Variants in KPNA7 observed in about 807,000 individuals in gnomAD.
KPNA7 encodes importin subunit alpha-8.
KPNA7 carries 54 observed loss-of-function variants against 53.7 expected under a neutral mutation model. The ratio of observed to expected loss-of-function variants is 1.01; its 90% CI spans 0.81 to 1.26. The LOEUF (loss-of-function observed/expected upper bound fraction) is 1.26. Ranked by LOEUF, KPNA7 falls within the 50% of genes most tolerant of loss-of-function variation. The pLI is 0.00. For missense variants in KPNA7, 640 were observed against 644.5 expected (o/e 0.99, Z 0.07); for synonymous variants, 276 against 259.3 (o/e 1.06, Z -0.62).
At position 99,203,127 on chromosome 7, in the gene KPNA7, T is replaced by C. The variant is rs375418501; in HGVS notation, c.180A>G (p.Glu60=). 1 of 1,551,676 alleles carries C rather than the reference T, an allele frequency of 6.4e-7. No individual in the cohort carries two copies. Among genetic ancestry groups the C allele is most frequent in the South Asian group, 1.2e-5 (1 of 84,042 alleles). Residue 60 remains glutamate (E), a synonymous_variant, in exon 3 of 11, where the codon GAA becomes GAG. Coordinates refer to ENST00000327442, the MANE Select transcript of KPNA7 (RefSeq NM_001145715.3). ...TGACCGCCACCCCTTTGGCTGTTTT[T>C]TCAGAAGGTGTGTCAGGGCAGAAGC... ...ITSFCPDTPS[E]KTAKGVAVSL... is the part of the protein sequence containing the mutation.
the KPNA7 span, among the ~76,000 whole-genome samples, chr7:99,152,816 TTC>T: frequency 6.6e-6 from 1 of 152,174 alleles, no homozygotes; most frequent in Non-Finnish European, 1.5e-5. Flanking sequence ...CTGTGATGTC[TTC>T]TCTGAGTGCA....
intron 9 of KPNA7, among the ~76,000 whole-genome samples, chr7:99,180,562 TCTGTCC>T (rs1440313166): frequency 6.7e-6 from 1 of 149,682 alleles, no homozygotes; most frequent in Non-Finnish European, 1.5e-5. Flanking sequence ...TGTCTCTGTC[TCTGTCC>T]ATCTGTCTCT....
At chr7:99,147,747 C>T in the KPNA7 span, among the ~76,000 whole-genome samples, 1 of 151,996 alleles carries the variant, frequency 6.6e-6, no homozygotes, top group Non-Finnish European at 1.5e-5. Flanking sequence ...GCTGAGATTG[C>T]ACTGCTGCCC....
At chr7:99,167,817 A>G in the KPNA7 span, among the ~76,000 whole-genome samples, 141,186 of 151,644 alleles carry the variant, frequency 0.93, 65,870 homozygotes, top group East Asian at 1. Flanking sequence ...ATCTGTCACT[A>G]TCTCCCATCA....
In KPNA7 at chr7:99,182,080, T is replaced by G. The variant is rs1429261369; in HGVS notation, c.1135-15A>C. On this transcript the variant is annotated splice_polypyrimidine_tract_variant and intron_variant, in intron 8 of 10. Coordinates refer to ENST00000327442, the MANE Select transcript of KPNA7 (RefSeq NM_001145715.3). ...TTAAATTCTCCCTGCAGAACAAGAA[T>G]GTTTCCATTCTCTACAGATCCTCAA... The G allele has an allele frequency of 2.0e-6, 3 of 1,518,210 alleles. No homozygotes were observed. Among genetic ancestry groups the G allele is most frequent in the Non-Finnish European group, 2.7e-6 (3 of 1,125,520 alleles). 94.0% of individuals were successfully genotyped at this position (1,518,210 alleles called of 1,614,324 possible). A position where few individuals can be genotyped will look rare whatever the true frequency, so the allele number is the denominator to read the frequency against.
At chr7:99,169,765 G>T (rs1282469859), downstream of KPNA7, among the ~76,000 whole-genome samples, 1 of 151,902 alleles carries the variant, frequency 6.6e-6, no homozygotes, top group Non-Finnish European at 1.5e-5. Context: ...TCTGGGCCAG[G>T]CGCAGTGGCT....
the KPNA7 span, among the ~76,000 whole-genome samples, chr7:99,153,921 T>G: frequency 1.4e-3 from 212 of 152,070 alleles, no homozygotes; most frequent in Non-Finnish European, 2.7e-3. Context: ...TGTGATCATA[T>G]CACACTACTG....
intron 3 of KPNA7, among the ~76,000 whole-genome samples, chr7:99,202,319 T>C (rs994865100): frequency 4.6e-5 from 7 of 152,112 alleles, no homozygotes; most frequent in Admixed American, 4.6e-4. Flanking sequence ...GAAAACTTCC[T>C]GGTCAAGGCA....
At chr7:99,190,050 A>C (rs1298020916) in intron 6 of KPNA7, among the ~76,000 whole-genome samples, 1 of 151,856 alleles carries the variant, frequency 6.6e-6, no homozygotes, top group African/African-American at 2.4e-5. Context: ...TTTTTGAAGG[A>C]GCTCTCGGCT....
At chr7:99,198,845 T>A (rs1790364572) in intron 3 of KPNA7, among the ~76,000 whole-genome samples, 1 of 152,030 alleles carries the variant, frequency 6.6e-6, no homozygotes, top group Non-Finnish European at 1.5e-5. Flanking sequence ...GCAAGTGACT[T>A]AATCTTATAT....
At chr7:99,146,379 C>T in the KPNA7 span, among the ~76,000 whole-genome samples, 2 of 152,140 alleles carry the variant, frequency 1.3e-5, no homozygotes, top group African/African-American at 4.8e-5. Flanking sequence ...AATGGGGTTA[C>T]ATTCTGATAA....
At chr7:99,209,108 C>T (rs969079701), upstream of KPNA7, among the ~76,000 whole-genome samples, 48 of 152,086 alleles carry the variant, frequency 3.2e-4, no homozygotes, top group Non-Finnish European at 5.3e-4. Flanking sequence ...GCTGAGATTG[C>T]GCCACTGTAC....
chr7:99,149,018 T>C, the KPNA7 span, among the ~76,000 whole-genome samples: 95 of 151,296 alleles, frequency 6.3e-4, no homozygotes, highest in African/African-American at 2.2e-3. Flanking sequence ...GCCTCAGCCT[T>C]CCGAGTAGCT....
intron 2 of KPNA7, among the ~76,000 whole-genome samples, chr7:99,207,033 C>T (rs12673754): frequency 0.92 from 139,964 of 151,546 alleles, 64,511 homozygotes; most frequent in East Asian, 0.96. Flanking sequence ...ACCTCCCTGC[C>T]CCCCGCTATT....
chr7:99,153,960 T>TA, the KPNA7 span, among the ~76,000 whole-genome samples: 5 of 151,352 alleles, frequency 3.3e-5, no homozygotes, highest in African/African-American at 9.7e-5. Flanking sequence ...AGAGAGTCTC[T>TA]AAAAAAAAGA....
chr7:99,149,550 G>A, the KPNA7 span, among the ~76,000 whole-genome samples: 1 of 152,190 alleles, frequency 6.6e-6, no homozygotes. Flanking sequence ...GTATGTGTGT[G>A]ATTGCCTTGG....
the KPNA7 span, among the ~76,000 whole-genome samples, chr7:99,150,354 C>T: frequency 6.6e-6 from 1 of 151,916 alleles, no homozygotes; most frequent in Non-Finnish European, 1.5e-5. Context: ...CCTGGGCCGC[C>T]CCCTAAAGTG....
At chr7:99,171,042 C>T (rs540159942), downstream of KPNA7, among the ~76,000 whole-genome samples, 27 of 151,934 alleles carry the variant, frequency 1.8e-4, no homozygotes, top group Middle Eastern at 3.4e-3. Flanking sequence ...GGTGAAACCC[C>T]GTCTCTACTA....
chr7:99,184,852 T>A (rs892905683), intron 8 of KPNA7, 77 bp downstream of exon 8: 3 of 1,212,246 alleles, frequency 2.5e-6, no homozygotes, highest in East Asian at 5.1e-5. Flanking sequence ...TGCACCTGTG[T>A]CTGGATTCCT....
Sources: gnomAD v4.1 joint callset for allele counts (sites outside exome capture counted in the v4.1 genomes callset) on GRCh38, gnomAD v4.1.1 for gene constraint, MANE v1.5 for transcripts, NCBI Gene and HGNC (gene_info 2026-07-23, HGNC 2026-07-21) for gene names.